The following MTA3 variants were observed in gnomAD, a reference collection of about 807,000 sequenced individuals.
MTA3 encodes the protein metastasis associated 1 family member 3, also known as metastasis-associated protein MTA3.
Under a neutral mutation model 83.5 loss-of-function variants are expected in MTA3, and 34 were observed. The observed-to-expected ratio is 0.41, with a 90% CI of 0.31 to 0.54. The LOEUF is 0.54. MTA3 is among the 20% of genes least tolerant of loss of function. The pLI, the probability that MTA3 is intolerant of heterozygous loss-of-function variation, is 0.33. For synonymous variants in MTA3, 303 were observed against 252.7 expected (o/e 1.20, Z -1.89); for missense variants, 761 against 726.4 (o/e 1.05, Z -0.55).
rs1248479212 is a variant in MTA3 at position 42,754,764 on chromosome 2, C to G, written c.*1365C>G. 1.0e-6 allele frequency: 1 copy of G among 985,364 alleles called. No individual in the cohort carries two copies. The highest frequency in any genetic ancestry group is 1.7e-5 in the African/African-American group (1 of 57,246). The allele number at this position is 985,364 out of a possible 1,614,324, so 61.0% of individuals were successfully genotyped here. A position where few individuals can be genotyped will look rare whatever the true frequency, so the allele number is the denominator to read the frequency against. On this transcript the variant is annotated 3_prime_UTR_variant, in exon 17 of 17. Coordinates refer to ENST00000405094, the MANE Select transcript of MTA3 (RefSeq NM_001330442.2). The stretch of plus-strand genomic sequence containing the variant: ...AAGCTGTTGCAAGACAGAGTGGCTA[C>G]AATTGAATTGACACCCTGGGAAGCA...
chr2:42,496,050 C>T (rs905330533), intron 2 of MTA3, among the ~76,000 whole-genome samples: 6 of 152,202 alleles, frequency 3.9e-5, no homozygotes, highest in Non-Finnish European at 5.9e-5. Flanking sequence ...CAATAGAAGA[C>T]AGAACTATAG....
intron 12 of MTA3, among the ~76,000 whole-genome samples, chr2:42,705,211 G>C (rs1370364204): frequency 6.6e-6 from 1 of 152,190 alleles, no homozygotes; most frequent in Non-Finnish European, 1.5e-5. Context: ...ACATGGGGAT[G>C]TGTTTAACCA....
At position 42,755,724 on chromosome 2, in the gene MTA3, C is replaced by G. The variant is rs1670195145; in HGVS notation, c.*2325C>G. 1.0e-6 allele frequency: 1 copy of G among 985,644 alleles called. No individual in the cohort carries two copies. Among genetic ancestry groups the G allele is most frequent in the Non-Finnish European group, 1.2e-6 (1 of 830,086 alleles). 61.1% of individuals were successfully genotyped at this position (985,644 alleles called of 1,614,324 possible). On this transcript the variant is annotated 3_prime_UTR_variant, in exon 17 of 17. Coordinates refer to ENST00000405094, the MANE Select transcript of MTA3 (RefSeq NM_001330442.2). The stretch of plus-strand genomic sequence containing the variant: ...AGAGGGTTTCCCAGCCACCCGCTCC[C>G]TTTCTGGGGCCATGGTGTCCCTGCT...
chr2:42,746,336 C>T (rs1346033612), intron 16 of MTA3, among the ~76,000 whole-genome samples: 1 of 152,126 alleles, frequency 6.6e-6, no homozygotes, highest in Non-Finnish European at 1.5e-5. Flanking sequence ...GGGGAAAAAA[C>T]ACACTCAGAG....
At chr2:42,659,318 GGGGTT>G (rs1689458066) in intron 7 of MTA3, among the ~76,000 whole-genome samples, 1 of 152,160 alleles carries the variant, frequency 6.6e-6, no homozygotes, top group Non-Finnish European at 1.5e-5. Context: ...CTCACAGGAA[GGGGTT>G]GCTACAGTTA....
chr2:42,708,593 T>C (rs1363111244), intron 13 of MTA3, among the ~76,000 whole-genome samples: 2 of 152,102 alleles, frequency 1.3e-5, no homozygotes, highest in African/African-American at 4.8e-5. Flanking sequence ...TAAAAAAAAG[T>C]GTAGTTAACC....
At chr2:42,634,167 A>G (rs1686962621) in intron 4 of MTA3, among the ~76,000 whole-genome samples, 1 of 152,140 alleles carries the variant, frequency 6.6e-6, no homozygotes, top group African/African-American at 2.4e-5. Context: ...CTGGCCCAAA[A>G]TGTCCACCAG....
chr2:42,505,562 G>A (rs1475316057), intron 2 of MTA3, among the ~76,000 whole-genome samples: 1 of 151,740 alleles, frequency 6.6e-6, no homozygotes, highest in African/African-American at 2.4e-5. Context: ...CCCCTGGAGG[G>A]AGGAACCAGT....
intron 9 of MTA3, among the ~76,000 whole-genome samples, chr2:42,684,327 T>C (rs1408569623): frequency 6.6e-6 from 1 of 152,246 alleles, no homozygotes; most frequent in Non-Finnish European, 1.5e-5. Flanking sequence ...GCTGCATCTT[T>C]ACTGAATTGT....
intron 2 of MTA3, among the ~76,000 whole-genome samples, chr2:42,514,370 T>G (rs1167006669): frequency 1.3e-5 from 2 of 152,278 alleles, no homozygotes; most frequent in East Asian, 1.9e-4. Context: ...TTTCTTTTTG[T>G]GTGTATGTGG....
upstream of MTA3, among the ~76,000 whole-genome samples, chr2:42,567,545 T>G (rs187660747): frequency 7.1e-4 from 108 of 152,244 alleles, no homozygotes; most frequent in Non-Finnish European, 1.2e-3. Flanking sequence ...TTCTTCGTGT[T>G]TATTATGCAG....
chr2:42,611,004 C>T (rs1334302246), intron 4 of MTA3, among the ~76,000 whole-genome samples: 3 of 133,532 alleles, frequency 2.2e-5, no homozygotes, highest in Non-Finnish European at 3.1e-5. Flanking sequence ...TTTTTTGAGA[C>T]GGAGTCTTGC....
rs1270773800 is a variant in MTA3 at position 42,680,702 on chromosome 2, T to C, written c.703-1699T>C. ...TGACTCTCTTTAAATCAAAGGTTTTTCAAACCTCGAAGTTTTGGAACCTAG... is the reference window on the plus strand; with the variant it reads ...TGACTCTCTTTAAATCAAAGGTTTTCCAAACCTCGAAGTTTTGGAACCTAG... On this transcript the variant is annotated intron_variant, in intron 8 of 16. Transcript: ENST00000405094. 2.6e-5 allele frequency among the ~76,000 whole-genome samples: 4 copies of C among 152,224 alleles called. No homozygotes were observed. The South Asian group carries it at 6.2e-4, about 24-fold the overall frequency.
Position 42,678,155 on chromosome 2 carries a change from T to C in MTA3, c.703-4246T>C, listed in dbSNP as rs1385089981. On this transcript the variant is annotated intron_variant, in intron 8 of 16. Coordinates refer to ENST00000405094, the MANE Select transcript of MTA3 (RefSeq NM_001330442.2). Reference sequence around the variant, plus strand: ...AATTCTTGTGTTTTGTTTTTTTTTTTCAACCTCTGCTGCAGAAGAGTGAGA... The same window carrying C: ...AATTCTTGTGTTTTGTTTTTTTTTTCCAACCTCTGCTGCAGAAGAGTGAGA... Among the ~76,000 whole-genome samples, 4 of 152,144 alleles carry C rather than the reference T, an allele frequency of 2.6e-5. No individual in the cohort carries two copies. In the South Asian group the frequency reaches 6.2e-4, roughly 24 times the overall value.
rs1306325794 is a variant in MTA3, at chr2:42,756,785, C to T, written c.*3386C>T. On this transcript the variant is annotated 3_prime_UTR_variant, in exon 17 of 17. Coordinates refer to ENST00000405094, the MANE Select transcript of MTA3 (RefSeq NM_001330442.2). ...CCTCTGCACTATGTCTCTGATTTTC[C>T]CTGCCAGGGAAGCTAACCCAGAGCA... 1 of 985,330 alleles carries T rather than the reference C, an allele frequency of 1.0e-6. No individual in the cohort carries two copies. Among genetic ancestry groups the T allele is most frequent in the Non-Finnish European group, 1.2e-6 (1 of 829,974 alleles). 61.0% of individuals were successfully genotyped at this position (985,330 alleles called of 1,614,324 possible). A position where few individuals can be genotyped will look rare whatever the true frequency, so the allele number is the denominator to read the frequency against.
At chr2:42,538,779 T>TTTGG (rs1676384322) in intron 2 of MTA3, among the ~76,000 whole-genome samples, 1 of 59,366 alleles carries the variant, frequency 1.7e-5, no homozygotes, top group Non-Finnish European at 3.5e-5. Context: ...TTTTTTTTGT[T>TTTGG]TTTTTTGAGA....
In MTA3 at chr2:42,609,505, G is replaced by T. The variant is rs1471556598; in HGVS notation, c.238G>T (p.Asp80Tyr). The T allele has an allele frequency of 6.2e-7, 1 of 1,613,708 alleles. No homozygotes were observed. Among genetic ancestry groups the T allele is most frequent in the Non-Finnish European group, 8.5e-7 (1 of 1,179,830 alleles). The change falls in exon 4 of 17, where the codon GAT becomes TAT. Residue 80 changes from aspartate to tyrosine, a missense_variant. Physicochemically the swap from Asp to Tyr is radical, Grantham distance 160. Transcript: ENST00000405094. ...AACAACAGTTGAGGCTGACTTGACC[G>T]ATAAGCAGAAACATCAGTTGAAACA... is the stretch of plus-strand genomic sequence containing the variant. ...SETTVEADLTDKQKHQLKHRE... is the reference protein window; with the variant it reads ...SETTVEADLTYKQKHQLKHRE...
chr2:42,548,846 A>ATATATATTATATATATATATAAT (rs1553340715), intron 2 of MTA3, among the ~76,000 whole-genome samples: 1 of 15,056 alleles, frequency 6.6e-5, no homozygotes, highest in African/African-American at 2.6e-4. Flanking sequence ...ATATATATAT[A>ATATATATTATATATATATATAAT]ATATATATAT....
chr2:42,532,899 C>G, intron 2 of MTA3: 1 of 319,094 alleles, frequency 3.1e-6, no homozygotes, highest in Non-Finnish European at 6.0e-6. Context: ...TTCTTTTTTT[C>G]CTGACCATTT....
Sources: allele counts gnomAD v4.1 joint callset (sites outside exome capture counted in the v4.1 genomes callset), GRCh38; gene constraint gnomAD v4.1.1; transcripts MANE v1.5; gene names NCBI Gene and HGNC (gene_info 2026-07-23, HGNC 2026-07-21).